NRXN1: variants seen among roughly 807,000 people sequenced by gnomAD.
NRXN1 encodes neurexin 1.
A neutral mutation model predicts 150.9 loss-of-function variants in NRXN1; 39 were observed. That is an observed-to-expected ratio of 0.26 (90% CI 0.20 to 0.34). The LOEUF (loss-of-function observed/expected upper bound fraction) is 0.34. Among genes scored for constraint, NRXN1 ranks in the 10% least tolerant of loss-of-function variants. NRXN1 has a pLI of 1.00. For synonymous variants in NRXN1, 924 were observed against 757.0 expected (o/e 1.22, Z -3.62); for missense variants, 1,815 against 1,949.9 (o/e 0.93, Z 1.30).
At chr2:50,265,763 C>T (rs1486131614) in intron 17 of NRXN1, among the ~76,000 whole-genome samples, 4 of 152,068 alleles carry the variant, frequency 2.6e-5, no homozygotes, top group Admixed American at 2.6e-4. Flanking sequence ...GTCCTCCTCA[C>T]CACACTCATT....
chr2:50,322,270 A>G (rs1294485054), intron 17 of NRXN1, among the ~76,000 whole-genome samples: 1 of 152,162 alleles, frequency 6.6e-6, no homozygotes, highest in East Asian at 1.9e-4. Context: ...AGAACAAACA[A>G]CAACAACAAA....
intron 18 of NRXN1, among the ~76,000 whole-genome samples, chr2:50,203,130 T>C (rs1574474027): frequency 6.6e-6 from 1 of 152,140 alleles, no homozygotes; most frequent in Admixed American, 6.6e-5. Context: ...GCAAACCTAT[T>C]GCCAGGTCTT....
chr2:51,026,006 G>GT (rs148199738), intron 2 of NRXN1, among the ~76,000 whole-genome samples: 9 of 151,844 alleles, frequency 5.9e-5, no homozygotes, highest in African/African-American at 1.5e-4. Context: ...CTAAAGACCA[G>GT]TTTTTTTTCT....
chr2:50,851,357 C>T (rs1488192343), intron 5 of NRXN1, among the ~76,000 whole-genome samples: 1 of 152,086 alleles, frequency 6.6e-6, no homozygotes, highest in East Asian at 1.9e-4. Flanking sequence ...CTCTCAAAGA[C>T]AATAATATTT....
Position 50,750,754 on chromosome 2 carries a change from G to A in NRXN1, c.833-127139C>T, listed in dbSNP as rs538813653. ...AGTACTGACACAAGCATTACTAGCC[G>A]AAGTGGTTGTAGATTTCCTTGAAAT... On this transcript the variant is annotated intron_variant, in intron 5 of 22. Transcript: ENST00000401669. Among the ~76,000 whole-genome samples the A allele has an allele frequency of 9.2e-5, 14 of 152,074 alleles. No homozygotes were observed. In the South Asian group the frequency reaches 1.9e-3, roughly 20 times the overall value.
At chr2:50,600,638 T>G (rs1676112377) in intron 8 of NRXN1, among the ~76,000 whole-genome samples, 1 of 152,182 alleles carries the variant, frequency 6.6e-6, no homozygotes. Context: ...TCTTGCTTTT[T>G]GGGGGCAAGG....
intron 19 of NRXN1, among the ~76,000 whole-genome samples, chr2:50,061,718 A>G (rs764899730): frequency 2.0e-5 from 3 of 152,182 alleles, no homozygotes; most frequent in Non-Finnish European, 4.4e-5. Context: ...AAAGATAACA[A>G]TTTAGTCTCA....
intron 5 of NRXN1, chr2:50,631,165 A>T: frequency 2.3e-6 from 1 of 426,032 alleles, no homozygotes; most frequent in Non-Finnish European, 4.7e-6. Flanking sequence ...AAATATTCTA[A>T]AATTACCAAC....
chr2:50,581,914 A>T (rs1206381538), intron 8 of NRXN1, among the ~76,000 whole-genome samples: 1 of 152,146 alleles, frequency 6.6e-6, no homozygotes, highest in African/African-American at 2.4e-5. Flanking sequence ...GGGCTAGGTC[A>T]TGGTGGAGAG....
intron 19 of NRXN1, among the ~76,000 whole-genome samples, chr2:50,059,153 A>G (rs967206759): frequency 6.6e-6 from 1 of 152,094 alleles, no homozygotes; most frequent in African/African-American, 2.4e-5. Context: ...AATGATGTTG[A>G]CCAAAAAGTC....
chr2:50,281,966 G>T (rs1389898928), intron 17 of NRXN1, among the ~76,000 whole-genome samples: 5 of 152,088 alleles, frequency 3.3e-5, no homozygotes, highest in Non-Finnish European at 5.9e-5. Context: ...TTAATATTGA[G>T]AAATTAATTC....
chr2:50,956,680 G>A (rs1416934336), intron 2 of NRXN1, among the ~76,000 whole-genome samples: 1 of 151,894 alleles, frequency 6.6e-6, no homozygotes, highest in African/African-American at 2.4e-5. Context: ...CTCAGGAAGC[G>A]AAGGTTGCAG....
intron 21 of NRXN1, among the ~76,000 whole-genome samples, chr2:49,966,396 T>C (rs533031213): frequency 6.6e-6 from 1 of 152,232 alleles, no homozygotes; most frequent in African/African-American, 2.4e-5. Context: ...AAAATAAAAA[T>C]TTTCAATATG....
chr2:50,316,036 T>C (rs142039971), intron 17 of NRXN1, among the ~76,000 whole-genome samples: 4 of 152,170 alleles, frequency 2.6e-5, no homozygotes, highest in African/African-American at 9.6e-5. Flanking sequence ...GTATGCCTGA[T>C]AATGCTTAAG....
At chr2:50,898,798 G>T (rs1037368190) in intron 5 of NRXN1, among the ~76,000 whole-genome samples, 1 of 151,736 alleles carries the variant, frequency 6.6e-6, no homozygotes, top group Non-Finnish European at 1.5e-5. Context: ...ATAATTAAAA[G>T]AGTAAATTAT....
intron 5 of NRXN1, among the ~76,000 whole-genome samples, chr2:50,740,798 GAATA>G (rs200105354): frequency 6.6e-6 from 1 of 152,024 alleles, no homozygotes; most frequent in East Asian, 1.9e-4. Context: ...CAAAAAGATG[GAATA>G]AAATTTTATT....
intron 18 of NRXN1, among the ~76,000 whole-genome samples, chr2:50,176,854 A>C (rs1344233497): frequency 6.6e-6 from 1 of 152,196 alleles, no homozygotes; most frequent in Non-Finnish European, 1.5e-5. Context: ...GAAAGTCCAG[A>C]GCTAAGACAT....
intron 18 of NRXN1, among the ~76,000 whole-genome samples, chr2:50,124,307 C>G (rs1216068317): frequency 1.3e-5 from 2 of 152,044 alleles, no homozygotes; most frequent in Non-Finnish European, 2.9e-5. Context: ...TTCTAGACTC[C>G]TGGTAGTCAG....
intron 5 of NRXN1, among the ~76,000 whole-genome samples, chr2:50,690,313 A>G (rs915205025): frequency 4.6e-5 from 7 of 152,220 alleles, no homozygotes; most frequent in African/African-American, 1.7e-4. Context: ...AGTGTTATAA[A>G]ATAGAATATT....
Sources: allele counts gnomAD v4.1 joint callset (sites outside exome capture counted in the v4.1 genomes callset), GRCh38; gene constraint gnomAD v4.1.1; transcripts MANE v1.5; gene names NCBI Gene and HGNC (gene_info 2026-07-23, HGNC 2026-07-21).